The following PRDM16 variants were observed in gnomAD, a reference collection of about 807,000 sequenced individuals.
PRDM16 encodes PR/SET domain 16.
In PRDM16, 23 loss-of-function variants were observed where a neutral mutation model predicts 110.6. The ratio of observed to expected loss-of-function variants is 0.21; its 90% CI spans 0.15 to 0.29. The LOEUF is 0.29. PRDM16 is among the 10% of genes least tolerant of loss of function. The pLI is 1.00. For synonymous variants in PRDM16, 799 were observed against 781.8 expected, an observed-to-expected ratio of 1.02 and a Z score of -0.37; for missense variants, 1,615 against 1,794.3, an observed-to-expected ratio of 0.90 and a Z score of 1.81.
chr1:3,405,385 A>T, intron 7 of PRDM16, 110 bp from the exon 8 acceptor site: 1 of 1,287,668 alleles, frequency 7.8e-7, no homozygotes, highest in Non-Finnish European at 1.1e-6. Context: ...GCAACGTGGC[A>T]AGAGAGACAG....
chr1:3,103,653 G>T (rs536369424), intron 1 of PRDM16, among the ~76,000 whole-genome samples: 1 of 152,316 alleles, frequency 6.6e-6, no homozygotes, highest in Non-Finnish European at 1.5e-5. Flanking sequence ...GGTGTGCAGG[G>T]CAGGAGGGGA....
chr1:3,085,579 C>G (rs1452060452), intron 1 of PRDM16, among the ~76,000 whole-genome samples: 10 of 152,260 alleles, frequency 6.6e-5, no homozygotes, highest in African/African-American at 9.6e-5. Flanking sequence ...CTGGGCCTCT[C>G]TGAGCCCAGT....
intron 3 of PRDM16, among the ~76,000 whole-genome samples, chr1:3,326,203 T>C (rs1641905618): frequency 6.6e-6 from 1 of 152,218 alleles, no homozygotes; most frequent in Non-Finnish European, 1.5e-5. Context: ...CGACCATCCT[T>C]GGCCCTCCTT....
At chr1:3,179,638 C>G (rs747102013) in intron 1 of PRDM16, among the ~76,000 whole-genome samples, 27 of 152,252 alleles carry the variant, frequency 1.8e-4, no homozygotes, top group Non-Finnish European at 4.0e-4. Context: ...GGCTGCCAAC[C>G]CAGCAGGCCC....
chr1:3,366,836 G>A (rs937340746), intron 3 of PRDM16, among the ~76,000 whole-genome samples: 1 of 152,162 alleles, frequency 6.6e-6, no homozygotes, highest in African/African-American at 2.4e-5. Context: ...GGCTGTAACC[G>A]TGTCTGTGAA....
intron 3 of PRDM16, among the ~76,000 whole-genome samples, chr1:3,349,613 C>T (rs966981070): frequency 2.0e-5 from 3 of 152,182 alleles, no homozygotes; most frequent in Non-Finnish European, 2.9e-5. Flanking sequence ...GCAAGGGTGG[C>T]GGAGGAGCCG....
At chr1:3,298,949 G>A (rs533993631) in intron 3 of PRDM16, among the ~76,000 whole-genome samples, 74 of 152,286 alleles carry the variant, frequency 4.9e-4, no homozygotes, top group African/African-American at 1.2e-3. Context: ...GTCTCCTCCC[G>A]TCCAGCCAGG....
At chr1:3,198,175 T>C (rs1638528691) in intron 2 of PRDM16, among the ~76,000 whole-genome samples, 1 of 152,302 alleles carries the variant, frequency 6.6e-6, no homozygotes, top group Non-Finnish European at 1.5e-5. Context: ...CCATGCGTTC[T>C]CTGGACCCCC....
intron 3 of PRDM16, among the ~76,000 whole-genome samples, chr1:3,304,372 A>G (rs1180264353): frequency 2.6e-5 from 4 of 152,212 alleles, no homozygotes; most frequent in Non-Finnish European, 5.9e-5. Context: ...ATAGAAGGCA[A>G]TCTTCCAGTC....
intron 3 of PRDM16, among the ~76,000 whole-genome samples, chr1:3,267,565 A>G (rs1034619816): frequency 4.6e-5 from 7 of 151,812 alleles, no homozygotes; most frequent in Non-Finnish European, 8.8e-5. Context: ...TTTTTGGGGA[A>G]CCTCCAGACT....
intron 3 of PRDM16, among the ~76,000 whole-genome samples, chr1:3,315,748 G>A (rs1641585520): frequency 6.6e-6 from 1 of 152,166 alleles, no homozygotes; most frequent in African/African-American, 2.4e-5. Flanking sequence ...CTCCAATTTA[G>A]AGCATCCCCG....
In PRDM16 at chr1:3,347,390, G is replaced by A. The variant is rs557660270; in HGVS notation, c.439-37762G>A. On this transcript the variant is annotated intron_variant, in intron 3 of 16. Coordinates refer to ENST00000270722, the MANE Select transcript of PRDM16 (RefSeq NM_022114.4). ...GGCTCCCTGGCATTGGCCCAGGAAG[G>A]AGCCCGGAACACCCTGGGCCTGGCC... Among the ~76,000 whole-genome samples the A allele has an allele frequency of 3.9e-5, 6 of 152,350 alleles. No homozygotes were observed. The East Asian group carries it at 1.2e-3, about 30-fold the overall frequency.
intron 1 of PRDM16, among the ~76,000 whole-genome samples, chr1:3,116,079 C>T (rs533887021): frequency 6.6e-6 from 1 of 152,286 alleles, no homozygotes; most frequent in East Asian, 1.9e-4. Flanking sequence ...GAGCCCCTCA[C>T]ACGGCAGGCG....
chr1:3,157,436 A>AAC lies in PRDM16; in HGVS notation c.38-28688_38-28687insCA, dbSNP rs1210222083. On this transcript the variant is annotated intron_variant, in intron 1 of 16. Coordinates refer to ENST00000270722, the MANE Select transcript of PRDM16 (RefSeq NM_022114.4). The surrounding 1 kb of genome is among the most constrained non-coding windows in gnomAD (Gnocchi z 4.8). ...TGCGATCCCATTAAAAAAAAAAAAA[A>AAC]AAAAAACACCTTTGTGGGGGCTGGG... Among the ~76,000 whole-genome samples the AAC allele has an allele frequency of 1.3e-5, 2 of 151,354 alleles. No homozygotes were observed. Among genetic ancestry groups the AAC allele is most frequent in the African/African-American group, 4.9e-5 (2 of 40,918 alleles).
chr1:3,412,839 G>A lies in PRDM16; in HGVS notation c.2603+39G>A, dbSNP rs370236352. On this transcript the variant is annotated intron_variant, in intron 9 of 16. Transcript: ENST00000270722. ...CAGCCTCACTGGCTCTCCCTGGGGC[G>A]GGGCCGCGGCGGTGCTGGGCGGGCT... 6.7e-4 allele frequency: 949 copies of A among 1,414,974 alleles called. 3 individuals are homozygous for A. Among genetic ancestry groups the A allele is most frequent in the Non-Finnish European group, 6.1e-4 (655 of 1,081,642 alleles). 87.7% of individuals were successfully genotyped at this position (1,414,974 alleles called of 1,614,324 possible).
At chr1:3,362,771 C>A (rs1419548277) in intron 3 of PRDM16, among the ~76,000 whole-genome samples, 1 of 152,182 alleles carries the variant, frequency 6.6e-6, no homozygotes, top group African/African-American at 2.4e-5. Context: ...TCCTAAAATC[C>A]CCCCCGTGGG....
intron 2 of PRDM16, among the ~76,000 whole-genome samples, chr1:3,242,596 C>G (rs1639700984): frequency 6.6e-6 from 1 of 152,222 alleles, no homozygotes; most frequent in Admixed American, 6.5e-5. Context: ...CCAAACGCAG[C>G]CCATCTAGGT....
At chr1:3,173,767 G>A (rs1040875595) in intron 1 of PRDM16, among the ~76,000 whole-genome samples, 1 of 152,250 alleles carries the variant, frequency 6.6e-6, no homozygotes, top group African/African-American at 2.4e-5. Context: ...ACATCCTCCA[G>A]GCTGTCATGG....
Position 3,175,730 on chromosome 1 carries a change from G to A in PRDM16, c.38-10395G>A, listed in dbSNP as rs1424032857. 1.3e-5 allele frequency among the ~76,000 whole-genome samples: 2 copies of A among 152,212 alleles called. No homozygotes were observed. Among genetic ancestry groups the A allele is most frequent in the African/African-American group, 2.4e-5 (1 of 41,446 alleles). On this transcript the variant is annotated intron_variant, in intron 1 of 16. Transcript: ENST00000270722. The surrounding 1 kb of genome is among the most constrained non-coding windows in gnomAD (Gnocchi z 4.8). The stretch of plus-strand genomic sequence containing the variant: ...GGGAGGGTGACAGCCGGTCAGCCCT[G>A]AAGAAGCAGCAGAGAAACCAGCCCT...
Sources: allele counts gnomAD v4.1 joint callset (sites outside exome capture counted in the v4.1 genomes callset), GRCh38; gene constraint gnomAD v4.1.1; non-coding constraint Gnocchi (gnomAD v3.1); transcripts MANE v1.5; gene names NCBI Gene and HGNC (gene_info 2026-07-23, HGNC 2026-07-21).